The following SLC34A1 variants were observed in gnomAD, a reference collection of about 807,000 sequenced individuals.
The protein encoded by SLC34A1 is solute carrier family 34 member 1.
A neutral mutation model predicts 51.4 loss-of-function variants in SLC34A1; 57 were observed. The observed-to-expected ratio is 1.11, with a 90% CI of 0.90 to 1.38. The LOEUF is 1.38. Among genes scored for constraint, SLC34A1 ranks in the 40% most tolerant of loss-of-function variants. SLC34A1 has a pLI of 0.00. For missense variants in SLC34A1, 796 were observed against 835.6 expected (o/e 0.95, Z 0.58); for synonymous variants, 368 against 358.0 (o/e 1.03, Z -0.32).
rs145542852 is a variant in SLC34A1, at chr5:177,396,785, C to A, written c.1227C>A (p.Gly409=). The A allele has an allele frequency of 2.7e-4, 437 of 1,614,094 alleles. No homozygotes were observed. Among genetic ancestry groups the A allele is most frequent in the Non-Finnish European group, 3.4e-4 (404 of 1,180,054 alleles). The change falls in exon 11 of 13, where the codon GGC becomes GGA. Residue 409 remains glycine, a synonymous_variant. Coordinates refer to ENST00000324417, the MANE Select transcript of SLC34A1 (RefSeq NM_003052.5). This position sits in a 1 kb window ranked among gnomAD's most constrained non-coding sequence, Gnocchi z 4.0. Reference sequence around the variant, plus strand: ...CAGGCTACTTTGCCATGGTGGTGGGCGCCAGCATGACCTTCGTGGTCCAGA... The same window carrying A: ...CAGGCTACTTTGCCATGGTGGTGGGAGCCAGCATGACCTTCGTGGTCCAGA... The part of the protein sequence containing the change: ...WVTGYFAMVV[G]ASMTFVVQSS...
Position 177,398,470 on chromosome 5 carries a change from T to C in SLC34A1, c.*184T>C. ...GTGTGTGTGCATGTGTGGGGGTGAG[T>C]CTGCATGTGCACCTGTCATGTGTAG... is the stretch of plus-strand genomic sequence containing the variant. On this transcript the variant is annotated 3_prime_UTR_variant, in exon 13 of 13. Transcript: ENST00000324417. This position sits in a 1 kb window ranked among gnomAD's most constrained non-coding sequence, Gnocchi z 4.7. The C allele has an allele frequency of 1.4e-6, 1 of 721,612 alleles. No homozygotes were observed. Among genetic ancestry groups the C allele is most frequent in the South Asian group, 1.6e-5 (1 of 63,482 alleles). 44.7% of individuals were successfully genotyped at this position (721,612 alleles called of 1,614,324 possible). A position where few individuals can be genotyped will look rare whatever the true frequency, so the allele number is the denominator to read the frequency against.
chr5:177,387,900 C>T lies in SLC34A1; in HGVS notation c.644+27C>T, dbSNP rs530779046. ...TGAGGGGGGCTGGGGGTTGGGGGCT[C>T]GTGCCTGGGGGAGGACAGCCCCAGA... On this transcript the variant is annotated intron_variant, in intron 6 of 12. Coordinates refer to ENST00000324417, the MANE Select transcript of SLC34A1 (RefSeq NM_003052.5). The T allele has an allele frequency of 1.8e-5, 28 of 1,559,862 alleles. 1 individual carries two copies. The highest frequency in any genetic ancestry group is 2.2e-5 in the South Asian group (2 of 89,796).
rs1356220927 is a variant in SLC34A1, at chr5:177,388,055, C to A, written c.706C>A (p.Pro236Thr). 1.9e-6 allele frequency: 3 copies of A among 1,613,974 alleles called. No individual in the cohort carries two copies. The highest frequency in any genetic ancestry group is 2.5e-6 in the Non-Finnish European group (3 of 1,180,012). The change falls in exon 7 of 13, where the codon CCC becomes ACC. Residue 236 changes from proline to threonine, a missense_variant. Transcript: ENST00000324417. The surrounding 1 kb of genome is among the most constrained non-coding windows in gnomAD (Gnocchi z 4.3). ...CTGGCTGTCAGTGCTGGTCCTGCTG[C>A]CCCTGGAGGCTGCCACTGGCTACCT... ...FNWLSVLVLL[P>T]LEAATGYLHH...
At chr5:177,395,243 G>C (rs963511894) in intron 10 of SLC34A1, among the ~76,000 whole-genome samples, 1 of 152,222 alleles carries the variant, frequency 6.6e-6, no homozygotes, top group African/African-American at 2.4e-5. Context: ...TAAATTCAGA[G>C]AGAGGTACCT....
Position 177,385,773 on chromosome 5 carries a change from CT to C in SLC34A1, c.33del (p.Ala12LeufsTer12). 6.2e-7 allele frequency: 1 copy of C among 1,613,074 alleles called. No homozygotes were observed. The highest frequency in any genetic ancestry group is 1.3e-5 in the African/African-American group (1 of 75,028). On this transcript the variant is annotated frameshift_variant, in exon 2 of 13. Transcript: ENST00000324417. LOFTEE classifies it high-confidence loss of function. ...TCCTACGGAGAGAGGCTGGGGTCCC[CT>C]GCTGTCTCCCCACTCCCAGTCCGTG... The part of the protein sequence containing the change: MLSYGERLGS[P>X]AVSPLPVRGG...
intron 1 of SLC34A1, among the ~76,000 whole-genome samples, chr5:177,384,719 A>G (rs6889126): frequency 0.011 from 1,682 of 152,198 alleles, 44 homozygotes; most frequent in African/African-American, 0.039. Context: ...AAAATTAGCC[A>G]GGTGTGGTGG....
rs373462634 is a variant in SLC34A1 at position 177,387,907 on chromosome 5, G to C, written c.644+34G>C. On this transcript the variant is annotated intron_variant, in intron 6 of 12. Coordinates refer to ENST00000324417, the MANE Select transcript of SLC34A1 (RefSeq NM_003052.5). ...GGCTGGGGGTTGGGGGCTCGTGCCT[G>C]GGGGAGGACAGCCCCAGATGCCAGG... 3.7e-6 allele frequency: 6 copies of C among 1,607,470 alleles called. No homozygotes were observed. The South Asian group carries it at 6.6e-5, about 18-fold the overall frequency.
chr5:177,386,656 G>C lies in SLC34A1; in HGVS notation c.532+90G>C. 1 of 1,501,188 alleles carries C rather than the reference G, an allele frequency of 6.7e-7. No individual in the cohort carries two copies. Among genetic ancestry groups the C allele is most frequent in the Non-Finnish European group, 9.2e-7 (1 of 1,088,674 alleles). The allele number at this position is 1,501,188 out of a possible 1,614,324, so 93.0% of individuals were successfully genotyped here. A position where few individuals can be genotyped will look rare whatever the true frequency, so the allele number is the denominator to read the frequency against. ...AAATGGGGAGCGTGACCCCAGTAAG[G>C]CTGGCCTCCATTCAGCTTGACTCCT... On this transcript the variant is annotated intron_variant, in intron 5 of 12. Transcript: ENST00000324417. This position sits in a 1 kb window ranked among gnomAD's most constrained non-coding sequence, Gnocchi z 4.8.
At position 177,397,990 on chromosome 5, in the gene SLC34A1, G is replaced by A. The variant is rs758639329; in HGVS notation, c.1624G>A (p.Val542Ile). The A allele has an allele frequency of 2.5e-6, 4 of 1,613,950 alleles. No individual in the cohort carries two copies. Among genetic ancestry groups the A allele is most frequent in the African/African-American group, 1.3e-5 (1 of 74,890 alleles). The part of the protein sequence containing the change: ...GISMAGWQVM[V>I]GVGTPFGALL... ...CTCCATGGCAGGCTGGCAGGTCATGGTAGGTGTGGGCACGCCCTTCGGGGC... is the reference window on the plus strand; with the variant it reads ...CTCCATGGCAGGCTGGCAGGTCATGATAGGTGTGGGCACGCCCTTCGGGGC... The change falls in exon 13 of 13, where the codon GTA becomes ATA. Residue 542 changes from valine (V) to isoleucine (I), a missense_variant. Coordinates refer to ENST00000324417, the MANE Select transcript of SLC34A1 (RefSeq NM_003052.5).
chr5:177,397,619 A>G (rs1485821335), intron 12 of SLC34A1, 164 bp from the exon 13 acceptor site: 3 of 839,012 alleles, frequency 3.6e-6, no homozygotes, highest in Non-Finnish European at 5.8e-6. Context: ...CATAGCCAGC[A>G]TAGCCACCTC....
Position 177,396,859 on chromosome 5 carries a change from C to T in SLC34A1, c.1291+10C>T. On this transcript the variant is annotated intron_variant, in intron 11 of 12. Transcript: ENST00000324417. The surrounding 1 kb of genome is among the most constrained non-coding windows in gnomAD (Gnocchi z 4.0). Reference sequence around the variant, plus strand: ...ATCACCCCACTCATCGGTGAGTGCCCATGTAGAGGTGGAGTGGGGTGGGCC... The same window carrying T: ...ATCACCCCACTCATCGGTGAGTGCCTATGTAGAGGTGGAGTGGGGTGGGCC... 1 of 1,614,022 alleles carries T rather than the reference C, an allele frequency of 6.2e-7. No individual in the cohort carries two copies. The highest frequency in any genetic ancestry group is 1.1e-5 in the South Asian group (1 of 91,086).
intron 8 of SLC34A1, chr5:177,389,743 T>C: frequency 6.5e-7 from 1 of 1,537,196 alleles, no homozygotes; most frequent in Non-Finnish European, 8.7e-7. Flanking sequence ...GCCGGCCACC[T>C]ACTGCAGCTT....
chr5:177,393,289 A>C (rs1404004984), intron 8 of SLC34A1, among the ~76,000 whole-genome samples: 2 of 151,968 alleles, frequency 1.3e-5, no homozygotes, highest in African/African-American at 2.4e-5. Flanking sequence ...CTTGGAGGAG[A>C]GGAAGGAGCC....
intron 10 of SLC34A1, among the ~76,000 whole-genome samples, chr5:177,394,719 A>G (rs1190837372): frequency 7.8e-6 from 1 of 128,188 alleles, no homozygotes; most frequent in African/African-American, 3.0e-5. Context: ...TTTTGAGACA[A>G]TTTCACTCTT....
chr5:177,391,166 C>T (rs188522668), intron 8 of SLC34A1, among the ~76,000 whole-genome samples: 110 of 152,324 alleles, frequency 7.2e-4, no homozygotes, highest in Middle Eastern at 6.8e-3. Context: ...GGCCTCCCAG[C>T]TCTTTTATCT....
At position 177,385,685 on chromosome 5, in the gene SLC34A1, T is replaced by TGTC; in HGVS notation, c.-47-9_-47-7dup. On this transcript the variant is annotated splice_polypyrimidine_tract_variant and intron_variant, in intron 1 of 12. Transcript: ENST00000324417. The stretch of plus-strand genomic sequence containing the variant: ...GCATGAGTGTCCCGGACACAGCTAT[T>TGTC]GTCATTCAGCGTTGCTGAGACCCAC... The TGTC allele has an allele frequency of 7.9e-7, 1 of 1,260,472 alleles. No individual in the cohort carries two copies. Among genetic ancestry groups the TGTC allele is most frequent in the Non-Finnish European group, 1.2e-6 (1 of 869,318 alleles). 78.1% of individuals were successfully genotyped at this position (1,260,472 alleles called of 1,614,324 possible). A position where few individuals can be genotyped will look rare whatever the true frequency, so the allele number is the denominator to read the frequency against.
chr5:177,389,548 A>C, intron 8 of SLC34A1: 1 of 1,500,396 alleles, frequency 6.7e-7, no homozygotes, highest in South Asian at 1.2e-5. Context: ...CGCTGACTTC[A>C]TGACCTCTTT....
rs772539659 is a variant in SLC34A1, at chr5:177,386,120, G to A, written c.243G>A (p.Glu81=). 10 of 1,613,490 alleles carry A rather than the reference G, an allele frequency of 6.2e-6. No homozygotes were observed. The highest frequency in any genetic ancestry group is 1.6e-4 in the Middle Eastern group (1 of 6,084). The change falls in exon 3 of 13, where the codon GAG becomes GAA. Residue 81 remains glutamate, a synonymous_variant. Transcript: ENST00000324417. This position sits in a 1 kb window ranked among gnomAD's most constrained non-coding sequence, Gnocchi z 4.8. ...CACTGCCTGCCAAGCTGGCCCTGGA[G>A]GAGGAGCAGAAGCCAGGTGGGCCTG... ...HEPLPAKLAL[E]EEQKPESRLV... is the part of the protein sequence containing the mutation.
intron 8 of SLC34A1, among the ~76,000 whole-genome samples, chr5:177,391,281 T>C (rs1042120078): frequency 2.6e-5 from 4 of 152,234 alleles, no homozygotes; most frequent in African/African-American, 9.6e-5. Context: ...CTGCCAGCTT[T>C]ACCTTCCTCT....
Sources: gnomAD v4.1 joint callset for allele counts (sites outside exome capture counted in the v4.1 genomes callset) on GRCh38, gnomAD v4.1.1 for gene constraint, Gnocchi (gnomAD v3.1) non-coding constraint, MANE v1.5 for transcripts, NCBI Gene and HGNC (gene_info 2026-07-23, HGNC 2026-07-21) for gene names.